The following CNKSR3 variants were observed in gnomAD, a reference collection of about 807,000 sequenced individuals.
The protein encoded by CNKSR3 is connector enhancer of kinase suppressor of ras 3.
In CNKSR3, 36 loss-of-function variants were observed where a neutral mutation model predicts 67.7. That is an observed-to-expected ratio of 0.53 (90% CI 0.41 to 0.70). The LOEUF is 0.70. CNKSR3 is among the 30% of genes least tolerant of loss of function. CNKSR3 has a pLI of 0.00. For synonymous variants in CNKSR3, 281 were observed against 271.4 expected, an observed-to-expected ratio of 1.04 and a Z score of -0.35; for missense variants, 630 against 695.2, an observed-to-expected ratio of 0.91 and a Z score of 1.05.
At position 154,422,657 on chromosome 6, in the gene CNKSR3, A is replaced by T. The variant is rs369573689; in HGVS notation, c.799-5T>A. ...ATTTTTCAGCTGCCATCCCACCTTC[A>T]AAGAAAGCAAATGGGGAGGGAAGAC... On this transcript the variant is annotated splice_region_variant and splice_polypyrimidine_tract_variant and intron_variant, in intron 8 of 12. Coordinates refer to ENST00000607772, the MANE Select transcript of CNKSR3 (RefSeq NM_173515.4). 2.5e-6 allele frequency: 4 copies of T among 1,612,996 alleles called. No homozygotes were observed. In the African/African-American group the frequency reaches 5.3e-5, roughly 22 times the overall value.
At chr6:154,437,023 C>T (rs967760528) in intron 4 of CNKSR3, among the ~76,000 whole-genome samples, 2 of 151,964 alleles carry the variant, frequency 1.3e-5, no homozygotes, top group African/African-American at 2.4e-5. Flanking sequence ...AAGGATGTCA[C>T]CACAAGAAGA....
At chr6:154,507,838 G>A (rs944154184) in intron 1 of CNKSR3, among the ~76,000 whole-genome samples, 4 of 152,158 alleles carry the variant, frequency 2.6e-5, no homozygotes, top group Admixed American at 6.5e-5. Context: ...AACTGATAAC[G>A]TCAAGGCAAC....
In CNKSR3 at chr6:154,398,862, A is replaced by G. The variant is rs1469948309; in HGVS notation, c.*7492T>C. 1.3e-5 allele frequency: 2 copies of G among 152,258 alleles called. No homozygotes were observed. The highest frequency in any genetic ancestry group is 3.9e-4 in the East Asian group (2 of 5,190). The allele number at this position is 152,258 out of a possible 1,614,324, so 9.4% of individuals were successfully genotyped here. ...TTTGGGAGGCTGAGGTGAGCGGATC[A>G]CCTGAGGTCGGGAGTTCGAGACCAG... On this transcript the variant is annotated 3_prime_UTR_variant, in exon 13 of 13. Coordinates refer to ENST00000607772, the MANE Select transcript of CNKSR3 (RefSeq NM_173515.4).
intron 7 of CNKSR3, among the ~76,000 whole-genome samples, chr6:154,424,230 C>CAAAAAA (rs56218677): frequency 2.7e-5 from 2 of 72,932 alleles, no homozygotes; most frequent in African/African-American, 9.8e-5. Flanking sequence ...GACTCCGTCT[C>CAAAAAA]AAAAAAAAAA....
At chr6:154,421,630 C>G (rs1255863677) in intron 9 of CNKSR3, among the ~76,000 whole-genome samples, 1 of 150,936 alleles carries the variant, frequency 6.6e-6, no homozygotes, top group Non-Finnish European at 1.5e-5. Flanking sequence ...TTAAATAAAA[C>G]TCAGTCAGTC....
chr6:154,415,325 G>A (rs1422269617), intron 9 of CNKSR3, among the ~76,000 whole-genome samples: 1 of 148,634 alleles, frequency 6.7e-6, no homozygotes, highest in Non-Finnish European at 1.5e-5. Context: ...GTGCCTCCTG[G>A]GTTCAAGTGA....
At chr6:154,414,259 A>G (rs766394678) in intron 10 of CNKSR3, 40 bp downstream of exon 10, 2 of 1,535,086 alleles carry the variant, frequency 1.3e-6, no homozygotes, top group East Asian at 2.3e-5. Context: ...AATGACACCA[A>G]CAGGAGACAA....
intron 2 of CNKSR3, among the ~76,000 whole-genome samples, chr6:154,447,047 G>A (rs1386569457): frequency 2.0e-5 from 3 of 151,970 alleles, no homozygotes; most frequent in Non-Finnish European, 4.4e-5. Context: ...CTTGTGATCC[G>A]CCTGCCTCGG....
At chr6:154,505,647 A>G (rs189409630) in intron 1 of CNKSR3, among the ~76,000 whole-genome samples, 2,505 of 150,584 alleles carry the variant, frequency 0.017, 31 homozygotes, top group African/African-American at 0.022. Flanking sequence ...ACAGGCGCCC[A>G]CCACCACACC....
chr6:154,446,956 T>A (rs563846155), intron 2 of CNKSR3, among the ~76,000 whole-genome samples: 75 of 152,074 alleles, frequency 4.9e-4, no homozygotes, highest in African/African-American at 1.7e-3. Flanking sequence ...AGGCACCCGC[T>A]ACCACACCCA....
In CNKSR3 at chr6:154,389,244, T is replaced by C. The variant is rs1414052496; in HGVS notation, c.*17110A>G. Reference sequence around the variant, plus strand: ...TCAGATTTTATGTTTAAATCTTTAATCCATTTTGAGTTGGGTTTTGTATGT... The same window carrying C: ...TCAGATTTTATGTTTAAATCTTTAACCCATTTTGAGTTGGGTTTTGTATGT... On this transcript the variant is annotated 3_prime_UTR_variant, in exon 13 of 13. Transcript: ENST00000607772. The C allele has an allele frequency of 3.3e-5, 5 of 152,224 alleles. No individual in the cohort carries two copies. Among genetic ancestry groups the C allele is most frequent in the African/African-American group, 1.2e-4 (5 of 41,458 alleles). 9.4% of individuals were successfully genotyped at this position (152,224 alleles called of 1,614,324 possible).
In CNKSR3 at chr6:154,401,298, C is replaced by T. The variant is rs906196193; in HGVS notation, c.*5056G>A. 13 of 152,120 alleles carry T rather than the reference C, an allele frequency of 8.5e-5. No individual in the cohort carries two copies. The highest frequency in any genetic ancestry group is 3.1e-4 in the African/African-American group (13 of 41,418). The allele number at this position is 152,120 out of a possible 1,614,324, so 9.4% of individuals were successfully genotyped here. On this transcript the variant is annotated 3_prime_UTR_variant, in exon 13 of 13. Transcript: ENST00000607772. ...AGTGAGTAGGTCCTGAGGGTGGAGC[C>T]CTCATGAATATTAGCGCCCTCACAA...
Position 154,397,436 on chromosome 6 carries a change from C to T in CNKSR3, c.*8918G>A, listed in dbSNP as rs1784672483. ...GTTTTTTGGAGGGGATTTAATTGCT[C>T]ATCTGATCTGAATGCCCATGACCAG... is the stretch of plus-strand genomic sequence containing the variant. On this transcript the variant is annotated 3_prime_UTR_variant, in exon 13 of 13. Coordinates refer to ENST00000607772, the MANE Select transcript of CNKSR3 (RefSeq NM_173515.4). 1 of 152,242 alleles carries T rather than the reference C, an allele frequency of 6.6e-6. No individual in the cohort carries two copies. Among genetic ancestry groups the T allele is most frequent in the African/African-American group, 2.4e-5 (1 of 41,466 alleles). The allele number at this position is 152,242 out of a possible 1,614,324, so 9.4% of individuals were successfully genotyped here.
chr6:154,417,601 CCCA>C (rs1170136291), intron 9 of CNKSR3, among the ~76,000 whole-genome samples: 1 of 152,114 alleles, frequency 6.6e-6, no homozygotes, highest in Non-Finnish European at 1.5e-5. Context: ...AATTCTCACC[CCCA>C]GTACCCAGAA....
chr6:154,437,370 C>A (rs1207116803), intron 4 of CNKSR3, among the ~76,000 whole-genome samples: 1 of 150,130 alleles, frequency 6.7e-6, no homozygotes, highest in Admixed American at 6.6e-5. Flanking sequence ...TCTGAGCGCA[C>A]AGATGCACAA....
rs143598043 is a variant in CNKSR3, at chr6:154,442,220, T to A, written c.287A>T (p.Gln96Leu). The change falls in exon 3 of 13, where the codon CAG becomes CTG. Residue 96 changes from glutamine to leucine, a missense_variant. Physicochemically the swap from Gln to Leu is moderately radical, Grantham distance 113. Around this residue, in one of 3 missense-constraint regions of CNKSR3, gnomAD observed 189 missense variants for 205.0 expected, o/e 0.92. Coordinates refer to ENST00000607772, the MANE Select transcript of CNKSR3 (RefSeq NM_173515.4). Reference protein sequence around the residue: ...LKLRASSHNLQNYISSRRKSP... With the variant: ...LKLRASSHNLLNYISSRRKSP... ...TTTCCGTCGGCTACTTATGTAATTCTGTAAATTGTGGGAAGATGCTCTCAG... is the reference window on the plus strand; with the variant it reads ...TTTCCGTCGGCTACTTATGTAATTCAGTAAATTGTGGGAAGATGCTCTCAG... 3.1e-6 allele frequency: 5 copies of A among 1,614,118 alleles called. No homozygotes were observed. The African/African-American group carries it at 5.3e-5, about 17-fold the overall frequency.
chr6:154,439,855 C>A (rs1005815227), intron 4 of CNKSR3, among the ~76,000 whole-genome samples: 1 of 152,134 alleles, frequency 6.6e-6, no homozygotes, highest in Admixed American at 6.5e-5. Flanking sequence ...TACACCCCTG[C>A]ACTTCAACCT....
intron 1 of CNKSR3, among the ~76,000 whole-genome samples, chr6:154,497,751 A>G (rs1339108935): frequency 6.6e-6 from 1 of 152,252 alleles, no homozygotes; most frequent in Non-Finnish European, 1.5e-5. Context: ...TCCTGTGTTT[A>G]AGAAGTTTTG....
chr6:154,441,999 G>C (rs1450016670), intron 3 of CNKSR3, 89 bp downstream of exon 3: 11 of 1,219,918 alleles, frequency 9.0e-6, no homozygotes, highest in Non-Finnish European at 1.2e-5. Context: ...AAGAACAATG[G>C]TTCCTTTTCC....
Sources: allele counts gnomAD v4.1 joint callset (sites outside exome capture counted in the v4.1 genomes callset), GRCh38; gene constraint gnomAD v4.1.1; regional missense constraint gnomAD v4.1.1; transcripts MANE v1.5; gene names NCBI Gene and HGNC (gene_info 2026-07-23, HGNC 2026-07-21).